Variants in LARGE1 observed in about 807,000 individuals in gnomAD.
The protein encoded by LARGE1 is xylosyl- and glucuronyltransferase LARGE1.
A neutral mutation model predicts 87.6 loss-of-function variants in LARGE1; 43 were observed. The observed-to-expected ratio is 0.49, with a 90% CI of 0.38 to 0.63. The LOEUF is 0.63. LARGE1 is among the 30% of genes least tolerant of loss of function. The pLI, the probability that LARGE1 is intolerant of heterozygous loss-of-function variation, is 0.00. For synonymous variants in LARGE1, 434 were observed against 394.6 expected (o/e 1.10, Z -1.18); for missense variants, 802 against 1,000.2 (o/e 0.80, Z 2.67).
chr22:33,839,643 G>A (rs2063213957), intron 1 of LARGE1, among the ~76,000 whole-genome samples: 1 of 152,212 alleles, frequency 6.6e-6, no homozygotes, highest in Admixed American at 6.5e-5. Context: ...GTGAGAATAA[G>A]ATTTAGTAGC....
At chr22:33,494,710 A>C (rs553783686) in intron 6 of LARGE1, among the ~76,000 whole-genome samples, 1 of 152,366 alleles carries the variant, frequency 6.6e-6, no homozygotes, top group African/African-American at 2.4e-5. Context: ...CTGTGAGATT[A>C]AAGGACTTGC....
intron 6 of LARGE1, among the ~76,000 whole-genome samples, chr22:33,489,040 C>T (rs1200728512): frequency 2.0e-5 from 3 of 152,202 alleles, no homozygotes; most frequent in Admixed American, 2.0e-4. Flanking sequence ...CTCATTTGGT[C>T]ATTCATTCAT....
intron 6 of LARGE1, among the ~76,000 whole-genome samples, chr22:33,560,496 T>A (rs1331232574): frequency 6.6e-6 from 1 of 152,228 alleles, no homozygotes; most frequent in Non-Finnish European, 1.5e-5. Context: ...CAAATCACTA[T>A]CTTGAATATT....
chr22:33,523,355 G>C (rs1255352889), intron 6 of LARGE1, among the ~76,000 whole-genome samples: 3 of 151,904 alleles, frequency 2.0e-5, no homozygotes, highest in African/African-American at 2.4e-5. Flanking sequence ...ATTTTTGCGA[G>C]GCAGAAGTTG....
intron 9 of LARGE1, among the ~76,000 whole-genome samples, chr22:33,347,215 T>C (rs1281303841): frequency 2.0e-5 from 3 of 152,252 alleles, no homozygotes; most frequent in South Asian, 2.1e-4. Flanking sequence ...CTACAGGCTC[T>C]TGCAGGTAGC....
intron 11 of LARGE1, among the ~76,000 whole-genome samples, chr22:33,203,145 AAG>A (rs202068561): frequency 1.6e-5 from 2 of 128,436 alleles, no homozygotes; most frequent in African/African-American, 5.8e-5. Flanking sequence ...ATGAGAGAGA[AAG>A]AGAGAGACAG....
intron 3 of LARGE1, among the ~76,000 whole-genome samples, chr22:33,648,426 T>C (rs912384940): frequency 2.6e-5 from 4 of 152,214 alleles, no homozygotes; most frequent in African/African-American, 7.2e-5. Flanking sequence ...GTCATAATAG[T>C]GTAAATACGC....
chr22:33,277,201 G>C lies in LARGE1; in HGVS notation c.1932C>G (p.Thr644=), dbSNP rs764884886. 1 of 1,614,098 alleles carries C rather than the reference G, an allele frequency of 6.2e-7. No individual in the cohort carries two copies. The highest frequency in any genetic ancestry group is 1.7e-5 in the Admixed American group (1 of 60,008). The change falls in exon 14 of 15, where the codon ACC becomes ACG. Residue 644 remains threonine, a synonymous_variant. Coordinates refer to ENST00000397394, the MANE Select transcript of LARGE1 (RefSeq NM_133642.5). ...ACTCAACCCGGTAAGGCGTGGTGGCGGTCCGCCACTTGGCGAAGTTTGTGG... is the reference window on the plus strand; with the variant it reads ...ACTCAACCCGGTAAGGCGTGGTGGCCGTCCGCCACTTGGCGAAGTTTGTGG... ...HAPTNFAKWR[T]ATTPYRVEWE...
chr22:33,672,248 G>A (rs1032677084), intron 2 of LARGE1, among the ~76,000 whole-genome samples: 2 of 152,112 alleles, frequency 1.3e-5, no homozygotes, highest in African/African-American at 4.8e-5. Context: ...AATGGTCAGA[G>A]GACCAGAGAC....
At chr22:33,276,993 C>T (rs956116623) in intron 14 of LARGE1, 67 bp downstream of exon 14, 19 of 1,458,014 alleles carry the variant, frequency 1.3e-5, no homozygotes, top group Non-Finnish European at 1.8e-5. Context: ...TCCAAGGATC[C>T]CTTAAGCTCT....
intron 1 of LARGE1, among the ~76,000 whole-genome samples, chr22:33,794,156 G>A (rs1236485405): frequency 3.3e-5 from 5 of 152,138 alleles, no homozygotes; most frequent in Non-Finnish European, 4.4e-5. Context: ...AGTCTGCGAC[G>A]TATGTAGTTG....
chr22:33,721,907 T>A (rs2083109303), intron 2 of LARGE1, among the ~76,000 whole-genome samples: 1 of 152,178 alleles, frequency 6.6e-6, no homozygotes, highest in African/African-American at 2.4e-5. Flanking sequence ...GTCTTTGGTA[T>A]ATTGTTTTAT....
chr22:33,214,704 T>G (rs1925122366), intron 11 of LARGE1, among the ~76,000 whole-genome samples: 1 of 152,194 alleles, frequency 6.6e-6, no homozygotes, highest in East Asian at 1.9e-4. Flanking sequence ...GGTTCCCTAC[T>G]GAAGTGTGTG....
At chr22:33,197,559 T>C (rs73395954) in intron 11 of LARGE1, among the ~76,000 whole-genome samples, 4,837 of 152,052 alleles carry the variant, frequency 0.032, 269 homozygotes, top group African/African-American at 0.11. Context: ...TAAATGTAAA[T>C]TTACTTAGGA....
At chr22:33,661,099 A>G (rs1282992603) in intron 2 of LARGE1, among the ~76,000 whole-genome samples, 3 of 152,088 alleles carry the variant, frequency 2.0e-5, no homozygotes, top group African/African-American at 7.2e-5. Context: ...TTTATTTTGC[A>G]TTCATCATAC....
chr22:33,563,621 G>T (rs1411713015), intron 6 of LARGE1, among the ~76,000 whole-genome samples: 2 of 152,136 alleles, frequency 1.3e-5, no homozygotes, highest in African/African-American at 2.4e-5. Context: ...TCTCAACTCT[G>T]GGAAAAGCCT....
chr22:33,783,904 C>T (rs2145918042), intron 1 of LARGE1, among the ~76,000 whole-genome samples: 1 of 152,258 alleles, frequency 6.6e-6, no homozygotes, highest in South Asian at 2.1e-4. Context: ...GTGGTCTTTC[C>T]TCAATGGGCT....
intron 2 of LARGE1, among the ~76,000 whole-genome samples, chr22:33,738,156 T>A (rs367934201): frequency 6.6e-6 from 1 of 152,342 alleles, no homozygotes; most frequent in Admixed American, 6.5e-5. Context: ...GCTAATTTAA[T>A]GTCCCAGGAA....
chr22:33,508,276 CAGGGGCCACTGCAGGGCA>C, intron 6 of LARGE1, among the ~76,000 whole-genome samples: 1 of 152,156 alleles, frequency 6.6e-6, no homozygotes, highest in Admixed American at 6.5e-5. Context: ...GGGCAAGGCA[CAGGGGCCACTGCAGGGCA>C]CTGGGAACGA....
Sources: gnomAD v4.1 joint callset for allele counts (sites outside exome capture counted in the v4.1 genomes callset) on GRCh38, gnomAD v4.1.1 for gene constraint, MANE v1.5 for transcripts, NCBI Gene and HGNC (gene_info 2026-07-23, HGNC 2026-07-21) for gene names.